LAS1L: variants seen among roughly 807,000 people sequenced by gnomAD.
The protein encoded by LAS1L is ribosomal biogenesis protein LAS1L.
LAS1L carries 5 observed loss-of-function variants against 57.3 expected under a neutral mutation model. The ratio of observed to expected loss-of-function variants is 0.09; its 90% CI spans 0.05 to 0.18. The LOEUF is 0.18. LAS1L is among the 10% of genes least tolerant of loss of function. The pLI, the probability that LAS1L is intolerant of heterozygous loss-of-function variation, is 1.00. For missense variants in LAS1L, 360 were observed against 568.3 expected (o/e 0.63, Z 3.73); for synonymous variants, 245 against 231.7 (o/e 1.06, Z -0.52).
intron 4 of LAS1L, 131 bp downstream of exon 4, chrX:65,531,226 C>A (rs999887470): frequency 2.6e-6 from 1 of 385,825 alleles, no homozygotes; most frequent in Admixed American, 4.2e-5. Flanking sequence ...CAAGGCGAGG[C>A]CTCACTTCTT....
chrX:65,518,223 A>G lies in LAS1L; in HGVS notation c.1691T>C (p.Val564Ala), dbSNP rs148989578. 2.4e-4 allele frequency: 285 copies of G among 1,209,710 alleles called. 1 individual carries two copies. In the African/African-American group the frequency reaches 4.6e-3, roughly 20 times the overall value. The stretch of plus-strand genomic sequence containing the variant: ...TTTCTCCTCCTTCTCCTCTTCCTTG[A>G]CATCATTAACACTGCCCTGCTCCTC... ...QQEEQGSVND[V>A]KEEEKEEKEV... The change falls in exon 12 of 14, where the codon GTC (valine) becomes GCC (alanine). Residue 564 changes from valine (V) to alanine (A), a missense_variant. Around this residue, in one of 7 missense-constraint regions of LAS1L, gnomAD observed 123 missense variants for 168.3 expected, o/e 0.73. Transcript: ENST00000374811.
chrX:65,520,426 C>T, intron 11 of LAS1L: 1 of 752,530 alleles, frequency 1.3e-6, no homozygotes, highest in East Asian at 1.5e-4. Context: ...CCATGCCTGA[C>T]ACTTAATTTC....
chrX:65,519,541 C>T (rs2068768599), intron 11 of LAS1L, among the ~76,000 whole-genome samples: 1 of 111,905 alleles, frequency 8.9e-6, no homozygotes, highest in African/African-American at 3.3e-5. Context: ...GGCTTGGTGA[C>T]TGATGGCAGG....
At chrX:65,529,374 T>G in intron 5 of LAS1L, 116 bp from the exon 6 acceptor site, 1 of 721,899 alleles carries the variant, frequency 1.4e-6, no homozygotes, top group African/African-American at 2.1e-5. Context: ...TAGAATTCCT[T>G]CCCCAACTAC....
intron 8 of LAS1L, 74 bp downstream of exon 8, chrX:65,524,890 GC>G (rs2069047630): frequency 1.2e-6 from 1 of 867,471 alleles, no homozygotes; most frequent in Non-Finnish European, 1.7e-6. Context: ...CCAACCCAGG[GC>G]CCCCCAGCCC....
intron 11 of LAS1L, chrX:65,523,297 G>A (rs1170428560): frequency 3.6e-6 from 1 of 279,931 alleles, no homozygotes; most frequent in Non-Finnish European, 6.3e-6. Context: ...ACTCTGTGCA[G>A]GCCACTGTGC....
chrX:65,512,619 A>C lies in LAS1L; in HGVS notation c.*156T>G. ...TTTATTATTTTTCAAAACAAAACAAAAACAAAAGACATTCAAAATTCCCCT... is the reference window on the plus strand; with the variant it reads ...TTTATTATTTTTCAAAACAAAACAACAACAAAAGACATTCAAAATTCCCCT... On this transcript the variant is annotated 3_prime_UTR_variant, in exon 14 of 14. Transcript: ENST00000374811. 1.5e-6 allele frequency: 1 copy of C among 648,752 alleles called. No individual in the cohort carries two copies. Among genetic ancestry groups the C allele is most frequent in the Non-Finnish European group, 2.3e-6 (1 of 444,082 alleles). The allele number at this position is 648,752 out of a possible 1,213,427, so 53.5% of individuals were successfully genotyped here.
intron 11 of LAS1L, chrX:65,520,930 C>T: frequency 1.3e-6 from 1 of 754,280 alleles, no homozygotes; most frequent in Non-Finnish European, 1.6e-6. Context: ...GACTTTGAAA[C>T]TTGCTTTATT....
intron 11 of LAS1L, among the ~76,000 whole-genome samples, chrX:65,519,207 C>T (rs941373877): frequency 4.5e-5 from 5 of 111,320 alleles, no homozygotes; most frequent in Admixed American, 9.5e-5. Flanking sequence ...GGTGCTGCTG[C>T]GTGCAGTGAG....
intron 4 of LAS1L, 99 bp downstream of exon 4, chrX:65,531,258 C>T (rs2069475761): frequency 2.0e-6 from 1 of 511,738 alleles, no homozygotes; most frequent in African/African-American, 2.4e-5. Flanking sequence ...CCAGCCTTGA[C>T]TCCAGGTGGA....
chrX:65,529,279 C>T, intron 5 of LAS1L, 21 bp from the exon 6 acceptor site: 1 of 1,175,501 alleles, frequency 8.5e-7, no homozygotes, highest in Non-Finnish European at 1.2e-6. Flanking sequence ...AATGGGGAGA[C>T]AGATAGGACT....
Position 65,518,165 on chromosome X carries a change from TTCC to T in LAS1L, c.1746_1748del (p.Glu584del). ...CTTCCTCCTCTTGGTCATCATTTTC[TTCC>T]TCCTCCTCTACCTGGTCTGGCAAGA... On this transcript the variant is annotated inframe_deletion, in exon 12 of 14. Coordinates refer to ENST00000374811, the MANE Select transcript of LAS1L (RefSeq NM_031206.7). 8.3e-7 allele frequency: 1 copy of T among 1,200,198 alleles called. No individual in the cohort carries two copies. The highest frequency in any genetic ancestry group is 1.1e-6 in the Non-Finnish European group (1 of 884,763).
intron 12 of LAS1L, among the ~76,000 whole-genome samples, chrX:65,517,007 C>A (rs954360964): frequency 9.0e-6 from 1 of 111,001 alleles, no homozygotes; most frequent in African/African-American, 3.3e-5. Flanking sequence ...ACAGACACCA[C>A]ACTGTTCTGT....
intron 3 of LAS1L, among the ~76,000 whole-genome samples, chrX:65,532,266 A>G (rs761906961): frequency 8.9e-6 from 1 of 112,611 alleles, no homozygotes; most frequent in Non-Finnish European, 1.9e-5. Flanking sequence ...TCAGACTGTC[A>G]GCTCCATGAG....
chrX:65,523,781 G>C (rs1409188591), intron 10 of LAS1L, 74 bp from the exon 11 acceptor site: 2 of 1,059,847 alleles, frequency 1.9e-6, no homozygotes, highest in African/African-American at 3.8e-5. Flanking sequence ...CAGAAAGTTT[G>C]GCTCTGTCCC....
chrX:65,515,871 C>T (rs770242320), intron 12 of LAS1L, among the ~76,000 whole-genome samples: 1 of 111,819 alleles, frequency 8.9e-6, no homozygotes, highest in Non-Finnish European at 1.9e-5. Flanking sequence ...AGACTTTCCA[C>T]ATTCACAACT....
Position 65,517,973 on chromosome X carries a change from A to G in LAS1L, c.1927+14T>C. On this transcript the variant is annotated intron_variant, in intron 12 of 13. Transcript: ENST00000374811. ...AGAGAAAAGAAGTCCATGTGGGGAC[A>G]AAGTAGTTCTTACCTGAGCTAACCT... The G allele has an allele frequency of 8.5e-7, 1 of 1,172,729 alleles. No individual in the cohort carries two copies. The highest frequency in any genetic ancestry group is 1.1e-6 in the Non-Finnish European group (1 of 879,205).
chrX:65,520,961 T>C, intron 11 of LAS1L: 4 of 753,996 alleles, frequency 5.3e-6, no homozygotes, highest in Non-Finnish European at 6.3e-6. Context: ...CTTGAATTGT[T>C]CAAATGCCTC....
chrX:65,529,177 G>A, intron 6 of LAS1L, 35 bp downstream of exon 6: 1 of 1,140,866 alleles, frequency 8.8e-7, no homozygotes, highest in Non-Finnish European at 1.2e-6. Context: ...GGCTGGGGCA[G>A]ATGAGAGCAC....
Sources: gnomAD v4.1 joint callset for allele counts (sites outside exome capture counted in the v4.1 genomes callset) on GRCh38, gnomAD v4.1.1 for gene constraint, gnomAD v4.1.1 regional missense constraint, MANE v1.5 for transcripts, NCBI Gene and HGNC (gene_info 2026-07-23, HGNC 2026-07-21) for gene names.